PTPRN2: variants seen among roughly 807,000 people sequenced by gnomAD.
The protein encoded by PTPRN2 is receptor-type tyrosine-protein phosphatase N2.
A neutral mutation model predicts 118.8 loss-of-function variants in PTPRN2; 74 were observed. The ratio of observed to expected loss-of-function variants is 0.62; its 90% CI spans 0.52 to 0.76. The LOEUF (loss-of-function observed/expected upper bound fraction) is 0.76. PTPRN2 is among the 30% of genes least tolerant of loss of function. The probability of loss-of-function intolerance (pLI) is 0.00; values close to 1 mark genes in which losing one functional copy is unlikely to be tolerated. For synonymous variants in PTPRN2, 641 were observed against 608.0 expected (o/e 1.05, Z -0.80); for missense variants, 1,481 against 1,394.4 (o/e 1.06, Z -0.99).
intron 3 of PTPRN2, among the ~76,000 whole-genome samples, chr7:158,228,796 C>G (rs1035805021): frequency 6.6e-6 from 1 of 152,108 alleles, no homozygotes; most frequent in African/African-American, 2.4e-5. Flanking sequence ...ATCAGCTTCT[C>G]CAACCTCTTG....
At chr7:158,171,643 G>A (rs1352045615) in intron 5 of PTPRN2, among the ~76,000 whole-genome samples, 2 of 151,984 alleles carry the variant, frequency 1.3e-5, no homozygotes, top group East Asian at 3.9e-4. Flanking sequence ...GAGCCACCAT[G>A]CCCAGCCTAT....
At chr7:158,184,875 C>G (rs1026693229) in intron 5 of PTPRN2, among the ~76,000 whole-genome samples, 1 of 152,126 alleles carries the variant, frequency 6.6e-6, no homozygotes. Context: ...CAGACATCCT[C>G]GTCTAATGCC....
chr7:158,325,723 A>C lies in PTPRN2; in HGVS notation c.164-8791T>G, dbSNP rs556818754. 5.8e-4 allele frequency among the ~76,000 whole-genome samples: 88 copies of C among 152,242 alleles called. 2 individuals carry two copies. The South Asian group carries it at 0.018, about 32-fold the overall frequency. ...GAAGGGCAGGCGAGAGACACCCGGC[A>C]AACCACCGGGCAGGCAGAACCCCGG... On this transcript the variant is annotated intron_variant, in intron 2 of 22. Transcript: ENST00000389418.
chr7:158,578,716 T>G (rs376938827), intron 1 of PTPRN2, among the ~76,000 whole-genome samples: 4 of 151,936 alleles, frequency 2.6e-5, no homozygotes, highest in South Asian at 4.2e-4. Flanking sequence ...CTTTAGGCAT[T>G]CCCAGTGTCT....
chr7:158,485,735 C>T (rs1820972056), intron 2 of PTPRN2, among the ~76,000 whole-genome samples: 2 of 152,058 alleles, frequency 1.3e-5, no homozygotes, highest in African/African-American at 2.4e-5. Flanking sequence ...TTAGCAGGAA[C>T]ATGCTCACGT....
chr7:157,784,494 G>A lies in PTPRN2; in HGVS notation c.1789-101557C>T, dbSNP rs904500597. Among the ~76,000 whole-genome samples, 2 of 152,198 alleles carry A rather than the reference G, an allele frequency of 1.3e-5. No individual in the cohort carries two copies. Among genetic ancestry groups the A allele is most frequent in the African/African-American group, 4.8e-5 (2 of 41,450 alleles). On this transcript the variant is annotated intron_variant, in intron 12 of 22. Transcript: ENST00000389418. This position sits in a 1 kb window ranked among gnomAD's most constrained non-coding sequence, Gnocchi z 4.6. ...GTGGCTGCGGGAACCTTCCTGCCCT[G>A]CAGGAACCACCTCAGCCTCAGCCTC...
intron 9 of PTPRN2, among the ~76,000 whole-genome samples, chr7:158,128,950 C>G (rs1308215301): frequency 2.0e-5 from 3 of 151,116 alleles, no homozygotes; most frequent in Non-Finnish European, 4.4e-5. Flanking sequence ...CAACCAAACA[C>G]ACACACACAC....
intron 3 of PTPRN2, among the ~76,000 whole-genome samples, chr7:158,247,778 G>A (rs1231081634): frequency 6.6e-6 from 1 of 152,082 alleles, no homozygotes; most frequent in African/African-American, 2.4e-5. Context: ...CACCATGCCT[G>A]GGTAACTTTG....
chr7:158,188,671 G>C (rs552407461), intron 5 of PTPRN2, among the ~76,000 whole-genome samples: 1 of 114,300 alleles, frequency 8.7e-6, no homozygotes. Flanking sequence ...AGGCCGCCAC[G>C]CTCGCCCCCT....
intron 11 of PTPRN2, among the ~76,000 whole-genome samples, chr7:157,918,910 T>C (rs1798555361): frequency 6.6e-6 from 1 of 152,186 alleles, no homozygotes; most frequent in Non-Finnish European, 1.5e-5. Context: ...CTTGGCACTT[T>C]AACTGCACCC....
intron 11 of PTPRN2, among the ~76,000 whole-genome samples, chr7:158,071,371 T>C (rs1585336130): frequency 2.9e-5 from 3 of 104,964 alleles, no homozygotes; most frequent in South Asian, 3.8e-4. Context: ...GTGCTCATGG[T>C]GGTGGAGGTG....
intron 11 of PTPRN2, among the ~76,000 whole-genome samples, chr7:158,008,108 GTGC>G (rs1480640260): frequency 1.2e-4 from 17 of 147,220 alleles, no homozygotes; most frequent in African/African-American, 4.3e-4. Flanking sequence ...GTGTGGGGGT[GTGC>G]TGTGTGTGTG....
intron 5 of PTPRN2, among the ~76,000 whole-genome samples, chr7:158,171,308 C>CATATATATATAT (rs71198580): frequency 8.2e-5 from 4 of 48,676 alleles, no homozygotes; most frequent in African/African-American, 9.4e-5. Context: ...TATATACACA[C>CATATATATATAT]ATATATATAT....
In PTPRN2 at chr7:157,875,829, G is replaced by A. The variant is rs184979959; in HGVS notation, c.1788+22844C>T. On this transcript the variant is annotated intron_variant, in intron 12 of 22. Transcript: ENST00000389418. ...GCTGCAGAGGGTCAGGAGGGGCCGA[G>A]CCCCCAGGCCAGGCGTCCCCAGGGC... Among the ~76,000 whole-genome samples, 1,414 of 149,436 alleles carry A rather than the reference G, an allele frequency of 9.5e-3. 30 individuals are homozygous for A. The highest frequency in any genetic ancestry group is 0.033 in the African/African-American group (1,328 of 40,202).
chr7:157,982,028 G>A (rs1407464912), intron 11 of PTPRN2, among the ~76,000 whole-genome samples: 1 of 150,178 alleles, frequency 6.7e-6, no homozygotes, highest in African/African-American at 2.4e-5. Flanking sequence ...GCAGAGTGTG[G>A]GGTTCCCCCC....
chr7:158,302,699 C>T (rs541050060), intron 3 of PTPRN2, among the ~76,000 whole-genome samples: 86 of 152,356 alleles, frequency 5.6e-4, no homozygotes, highest in African/African-American at 2.0e-3. Flanking sequence ...AAACTCCATC[C>T]GGACTCCAAG....
intron 12 of PTPRN2, among the ~76,000 whole-genome samples, chr7:157,852,102 T>C (rs1188549167): frequency 6.6e-6 from 1 of 152,242 alleles, no homozygotes; most frequent in Non-Finnish European, 1.5e-5. Context: ...CTGAGGAGTC[T>C]GGATTTTTAA....
chr7:158,460,393 T>C (rs1433446038), intron 2 of PTPRN2, among the ~76,000 whole-genome samples: 5 of 40,836 alleles, frequency 1.2e-4, no homozygotes, highest in Non-Finnish European at 2.9e-4. Flanking sequence ...AGGGGCTGTG[T>C]GCCATGAGCA....
At chr7:158,269,865 G>C (rs1698612696) in intron 3 of PTPRN2, among the ~76,000 whole-genome samples, 1 of 151,766 alleles carries the variant, frequency 6.6e-6, no homozygotes. Context: ...GAGACAGAGA[G>C]AGACAGAAAG....
Sources: gnomAD v4.1 joint callset for allele counts (sites outside exome capture counted in the v4.1 genomes callset) on GRCh38, gnomAD v4.1.1 for gene constraint, Gnocchi (gnomAD v3.1) non-coding constraint, MANE v1.5 for transcripts, NCBI Gene and HGNC (gene_info 2026-07-23, HGNC 2026-07-21) for gene names.